The following MAP4K3 variants were observed in gnomAD, a reference collection of about 807,000 sequenced individuals.
MAP4K3 encodes mitogen-activated protein kinase kinase kinase kinase 3.
In MAP4K3, 94 loss-of-function variants were observed where a neutral mutation model predicts 143.5. The ratio of observed to expected loss-of-function variants is 0.65; its 90% CI spans 0.55 to 0.78. MAP4K3 has a LOEUF of 0.78. Ranked by LOEUF, MAP4K3 falls within the 30% of genes least tolerant of loss-of-function variation. The probability of loss-of-function intolerance (pLI) is 0.00; values close to 1 mark genes in which losing one functional copy is unlikely to be tolerated. For missense variants in MAP4K3, 1,077 were observed against 1,068.1 expected, an observed-to-expected ratio of 1.01 and a Z score of -0.12; for synonymous variants, 416 against 347.2, an observed-to-expected ratio of 1.20 and a Z score of -2.20.
In MAP4K3 at chr2:39,325,709, ATT is replaced by A. The variant is rs776318206; in HGVS notation, c.807+19_807+20del. 5.7e-6 allele frequency: 9 copies of A among 1,577,222 alleles called. No individual in the cohort carries two copies. The Admixed American group carries it at 1.2e-4, about 21-fold the overall frequency. On this transcript the variant is annotated intron_variant, in intron 11 of 33. Transcript: ENST00000263881. ...TTTATCTTTTGAAATATATATATATATTTCAGGGCAAAAATAATACCTGTAAT... is the reference window on the plus strand; with the variant it reads ...TTTATCTTTTGAAATATATATATATATCAGGGCAAAAATAATACCTGTAAT...
intron 5 of MAP4K3, 130 bp downstream of exon 5, chr2:39,337,396 G>A (rs1396028041): frequency 5.2e-6 from 3 of 581,780 alleles, no homozygotes; most frequent in Non-Finnish European, 6.1e-6. Context: ...ATTTTCAAAT[G>A]TATTAAAACT....
intron 3 of MAP4K3, 76 bp from the exon 4 acceptor site, chr2:39,343,528 T>C (rs1573176825): frequency 2.5e-6 from 3 of 1,196,344 alleles, no homozygotes; most frequent in East Asian, 4.7e-5. Flanking sequence ...TATTTTAAGG[T>C]TGTAAGCTGT....
At position 39,252,105 on chromosome 2, in the gene MAP4K3, A is replaced by G. The variant is rs1430728835; in HGVS notation, c.2542-220T>C. Among the ~76,000 whole-genome samples the G allele has an allele frequency of 2.0e-5, 3 of 152,240 alleles. No individual in the cohort carries two copies. In the East Asian group the frequency reaches 5.8e-4, roughly 29 times the overall value. On this transcript the variant is annotated intron_variant, in intron 32 of 33. Transcript: ENST00000263881. The stretch of plus-strand genomic sequence containing the variant: ...AATCATAAAATGCAGGCAAAGGAAA[A>G]TGATTTCCTTGTTAAATCATAAGAC...
In MAP4K3 at chr2:39,327,294, G is replaced by C. The variant is rs909932295; in HGVS notation, c.531-1017C>G. The stretch of plus-strand genomic sequence containing the variant: ...AAAAACTTATTTGGCATTTTTTCTA[G>C]TTCTATTATAATAATGGAAAAGTTA... On this transcript the variant is annotated intron_variant, in intron 8 of 33. Transcript: ENST00000263881. Among the ~76,000 whole-genome samples, 4 of 151,890 alleles carry C rather than the reference G, an allele frequency of 2.6e-5. No homozygotes were observed. The South Asian group carries it at 8.3e-4, about 32-fold the overall frequency.
At chr2:39,335,629 A>G (rs1664923201) in intron 6 of MAP4K3, among the ~76,000 whole-genome samples, 2 of 152,106 alleles carry the variant, frequency 1.3e-5, no homozygotes, top group Non-Finnish European at 2.9e-5. Flanking sequence ...TCCAACTTCC[A>G]TTTCTGACAA....
At chr2:39,366,163 G>C (rs1027059045) in intron 2 of MAP4K3, among the ~76,000 whole-genome samples, 1 of 151,516 alleles carries the variant, frequency 6.6e-6, no homozygotes, top group African/African-American at 2.4e-5. Context: ...AGGTGGTCAG[G>C]GTACAGCCTA....
chr2:39,250,585 T>C lies in MAP4K3; in HGVS notation c.*33A>G, dbSNP rs1680113958. The C allele has an allele frequency of 1.3e-6, 2 of 1,591,274 alleles. No homozygotes were observed. Among genetic ancestry groups the C allele is most frequent in the South Asian group, 1.1e-5 (1 of 90,156 alleles). ...AATGTTGCAGTGGTAGTGTTCTTTC[T>C]TTCTAGAGTTAACTGTCAAAGCACA... is the stretch of plus-strand genomic sequence containing the variant. On this transcript the variant is annotated 3_prime_UTR_variant, in exon 34 of 34. Coordinates refer to ENST00000263881, the MANE Select transcript of MAP4K3 (RefSeq NM_003618.4).
chr2:39,362,025 T>G (rs1223220809), intron 2 of MAP4K3, among the ~76,000 whole-genome samples: 1 of 152,148 alleles, frequency 6.6e-6, no homozygotes, highest in Non-Finnish European at 1.5e-5. Flanking sequence ...AGCAAGTACC[T>G]TATGAATTAA....
chr2:39,329,978 G>A (rs1056238730), intron 8 of MAP4K3, among the ~76,000 whole-genome samples: 10 of 151,910 alleles, frequency 6.6e-5, no homozygotes, highest in African/African-American at 2.4e-4. Context: ...CTTATAAGTA[G>A]AACAAAAAAG....
chr2:39,361,638 T>C (rs931001497), intron 2 of MAP4K3, among the ~76,000 whole-genome samples: 8 of 151,750 alleles, frequency 5.3e-5, no homozygotes, highest in Non-Finnish European at 1.2e-4. Flanking sequence ...ATAGGCTCCA[T>C]ACAAAGTTTA....
At chr2:39,386,598 G>C (rs1666511306) in intron 1 of MAP4K3, among the ~76,000 whole-genome samples, 1 of 151,974 alleles carries the variant, frequency 6.6e-6, no homozygotes, top group African/African-American at 2.4e-5. Context: ...TTTAAGTTTA[G>C]GTACATTTTT....
rs1488979971 is a variant in MAP4K3, at chr2:39,437,086, C to A, written c.-99G>T. 1 of 853,070 alleles carries A rather than the reference C, an allele frequency of 1.2e-6. No homozygotes were observed. Among genetic ancestry groups the A allele is most frequent in the Non-Finnish European group, 1.7e-6 (1 of 583,330 alleles). 52.8% of individuals were successfully genotyped at this position (853,070 alleles called of 1,614,324 possible). A position where few individuals can be genotyped will look rare whatever the true frequency, so the allele number is the denominator to read the frequency against. On this transcript the variant is annotated 5_prime_UTR_variant, in exon 1 of 34. Coordinates refer to ENST00000263881, the MANE Select transcript of MAP4K3 (RefSeq NM_003618.4). ...GGGCGCCGCGGCCGGCTCCCGGCTCCCCCGGCGGTCACAATCACCCGGCTC... is the reference window on the plus strand; with the variant it reads ...GGGCGCCGCGGCCGGCTCCCGGCTCACCCGGCGGTCACAATCACCCGGCTC...
chr2:39,350,476 A>T (rs770246607), intron 3 of MAP4K3, among the ~76,000 whole-genome samples: 10 of 152,202 alleles, frequency 6.6e-5, no homozygotes, highest in Non-Finnish European at 1.5e-4. Context: ...CTTTTTTAAA[A>T]GCAAGAGTAG....
At chr2:39,375,841 T>C (rs1416157311) in intron 2 of MAP4K3, among the ~76,000 whole-genome samples, 1 of 152,242 alleles carries the variant, frequency 6.6e-6, no homozygotes, top group African/African-American at 2.4e-5. Flanking sequence ...TCATACAGTA[T>C]GCAGTTTTGT....
chr2:39,338,899 A>G (rs926633797), intron 4 of MAP4K3, among the ~76,000 whole-genome samples: 8 of 152,162 alleles, frequency 5.3e-5, no homozygotes, highest in African/African-American at 1.9e-4. Flanking sequence ...TTGATCTTGC[A>G]CTTCCCAGCC....
intron 15 of MAP4K3, among the ~76,000 whole-genome samples, chr2:39,304,640 C>G (rs1373840588): frequency 2.0e-5 from 3 of 152,178 alleles, no homozygotes; most frequent in Admixed American, 6.5e-5. Flanking sequence ...AATGTTGCAG[C>G]TGCTGTGGAA....
chr2:39,374,138 T>C (rs1041924860), intron 2 of MAP4K3, among the ~76,000 whole-genome samples: 3 of 152,148 alleles, frequency 2.0e-5, no homozygotes, highest in Non-Finnish European at 2.9e-5. Flanking sequence ...TCCCAGTACT[T>C]TGGGAGGCCC....
intron 24 of MAP4K3, among the ~76,000 whole-genome samples, chr2:39,273,930 C>T (rs1558614433): frequency 6.6e-6 from 1 of 152,146 alleles, no homozygotes; most frequent in African/African-American, 2.4e-5. Flanking sequence ...GACCACATAT[C>T]AGTACGTGTT....
intron 8 of MAP4K3, 50 bp from the exon 9 acceptor site, chr2:39,326,327 T>G: frequency 1.3e-6 from 2 of 1,592,286 alleles, no homozygotes; most frequent in Non-Finnish European, 1.7e-6. Flanking sequence ...ATGTTTTCCT[T>G]TATACTCCCA....
Sources: allele counts gnomAD v4.1 joint callset (sites outside exome capture counted in the v4.1 genomes callset), GRCh38; gene constraint gnomAD v4.1.1; transcripts MANE v1.5; gene names NCBI Gene and HGNC (gene_info 2026-07-23, HGNC 2026-07-21).